The following USH2A variants were observed in gnomAD, a reference collection of about 807,000 sequenced individuals.
USH2A encodes the protein usherin.
Under a neutral mutation model 538.9 loss-of-function variants are expected in USH2A, and 443 were observed. The observed-to-expected ratio is 0.82, with a 90% confidence interval of 0.76 to 0.89. The LOEUF is 0.89. USH2A is among the 40% of genes least tolerant of loss of function. The pLI, the probability that USH2A is intolerant of heterozygous loss-of-function variation, is 0.00. For missense variants in USH2A, 6,633 were observed against 6,324.8 expected (o/e 1.05, Z -1.65); for synonymous variants, 2,413 against 2,273.5 (o/e 1.06, Z -1.75).
At chr1:216,240,462 A>T (rs1223443735) in intron 13 of USH2A, among the ~76,000 whole-genome samples, 1 of 151,594 alleles carries the variant, frequency 6.6e-6, no homozygotes, top group Admixed American at 6.6e-5. Context: ...CATCACTGAT[A>T]GGCAAAAGGG....
chr1:216,032,122 C>A (rs1669142220), intron 32 of USH2A, among the ~76,000 whole-genome samples: 1 of 152,106 alleles, frequency 6.6e-6, no homozygotes, highest in Non-Finnish European at 1.5e-5. Flanking sequence ...AACTTCTAAC[C>A]TCTGAGGTAC....
chr1:216,108,044 A>G (rs769975398), intron 21 of USH2A, among the ~76,000 whole-genome samples: 1 of 151,534 alleles, frequency 6.6e-6, no homozygotes, highest in Admixed American at 6.6e-5. Context: ...AGAGTTTTTA[A>G]TAATATTTTC....
At chr1:215,755,350 A>G (rs1660758601) in intron 58 of USH2A, among the ~76,000 whole-genome samples, 1 of 152,224 alleles carries the variant, frequency 6.6e-6, no homozygotes, top group African/African-American at 2.4e-5. Context: ...GAGTATGATG[A>G]ATACCTAGAA....
At chr1:215,858,441 G>C (rs569762620) in intron 44 of USH2A, among the ~76,000 whole-genome samples, 5 of 150,656 alleles carry the variant, frequency 3.3e-5, no homozygotes, top group Admixed American at 2.0e-4. Context: ...CGCAAGATCT[G>C]ATGGTTTCAT....
At chr1:216,119,986 G>GT (rs959589661) in intron 21 of USH2A, among the ~76,000 whole-genome samples, 94 of 149,912 alleles carry the variant, frequency 6.3e-4, no homozygotes, top group African/African-American at 1.5e-3. Context: ...ATATTCACTT[G>GT]TTTTTTTTTA....
At chr1:216,081,743 T>C (rs2031949558) in intron 26 of USH2A, among the ~76,000 whole-genome samples, 1 of 151,914 alleles carries the variant, frequency 6.6e-6, no homozygotes, top group African/African-American at 2.4e-5. Flanking sequence ...CTACAGTGTC[T>C]GGCTAACTTT....
intron 49 of USH2A, among the ~76,000 whole-genome samples, chr1:215,808,587 C>T (rs994169223): frequency 6.6e-6 from 1 of 152,064 alleles, no homozygotes; most frequent in Non-Finnish European, 1.5e-5. Flanking sequence ...AGTCACATTC[C>T]CTTCCCATCC....
intron 22 of USH2A, among the ~76,000 whole-genome samples, chr1:216,091,496 G>A (rs1215476488): frequency 6.6e-6 from 1 of 152,132 alleles, no homozygotes. Context: ...TTTCTTTATT[G>A]TATCTTTTAA....
At chr1:216,217,587 T>A in intron 14 of USH2A, 37 bp from the exon 15 acceptor site, 1 of 1,608,328 alleles carries the variant, frequency 6.2e-7, no homozygotes, top group Non-Finnish European at 8.5e-7. Context: ...AAGAGAATAG[T>A]GTTTTGATTA....
At chr1:215,914,362 C>G (rs1336042886) in intron 38 of USH2A, among the ~76,000 whole-genome samples, 2 of 151,968 alleles carry the variant, frequency 1.3e-5, no homozygotes, top group Non-Finnish European at 2.9e-5. Flanking sequence ...CTAAAATGGA[C>G]TCTTCTTATA....
Position 216,054,420 on chromosome 1 carries a change from G to A in USH2A, c.6050-5773C>T, listed in dbSNP as rs541156385. ...TGTGGAGCTGACACCAGCTCTGCAA[G>A]CTTTTGCACCTCTAATGGGACACCG... is the stretch of plus-strand genomic sequence containing the variant. On this transcript the variant is annotated intron_variant, in intron 30 of 71. Coordinates refer to ENST00000307340, the MANE Select transcript of USH2A (RefSeq NM_206933.4). Among the ~76,000 whole-genome samples the A allele has an allele frequency of 1.1e-4, 16 of 152,188 alleles. No homozygotes were observed. In the East Asian group the frequency reaches 2.7e-3, roughly 26 times the overall value.
intron 43 of USH2A, among the ~76,000 whole-genome samples, chr1:215,871,400 T>A (rs1223117052): frequency 6.6e-6 from 1 of 152,206 alleles, no homozygotes; most frequent in Non-Finnish European, 1.5e-5. Flanking sequence ...TGAATAGATG[T>A]TTCATAGTTA....
intron 32 of USH2A, among the ~76,000 whole-genome samples, chr1:216,016,465 A>G (rs779539136): frequency 6.6e-6 from 1 of 152,308 alleles, no homozygotes; most frequent in South Asian, 2.1e-4. Flanking sequence ...ATTTGTGCTT[A>G]TGTTTTCCAC....
At chr1:216,164,333 C>A (rs1364293196) in intron 21 of USH2A, among the ~76,000 whole-genome samples, 2 of 151,954 alleles carry the variant, frequency 1.3e-5, no homozygotes, top group African/African-American at 2.4e-5. Flanking sequence ...AAAAATGGCA[C>A]CAATATTATT....
At position 215,743,416 on chromosome 1, in the gene USH2A, G is replaced by GTGTGTGTGTA. The variant is rs1491186893; in HGVS notation, c.11390-82_11390-81insTACACACACA. 1.2e-3 allele frequency: 283 copies of GTGTGTGTGTA among 238,552 alleles called. 14 individuals carry two copies. Among genetic ancestry groups the GTGTGTGTGTA allele is most frequent in the African/African-American group, 8.3e-3 (262 of 31,484 alleles). The allele number at this position is 238,552 out of a possible 1,614,324, so 14.8% of individuals were successfully genotyped here. A position where few individuals can be genotyped will look rare whatever the true frequency, so the allele number is the denominator to read the frequency against. On this transcript the variant is annotated intron_variant, in intron 58 of 71. Transcript: ENST00000307340. ...TGTGTGTGTGTGTGTGTGTGTGTGTGTATATATATATAGACACACATATAT... is the reference window on the plus strand; with the variant it reads ...TGTGTGTGTGTGTGTGTGTGTGTGTGTGTGTGTGTATATATATATATAGACACACATATAT...
chr1:216,252,818 C>T (rs1308255080), intron 11 of USH2A, among the ~76,000 whole-genome samples: 2 of 152,090 alleles, frequency 1.3e-5, no homozygotes, highest in Non-Finnish European at 2.9e-5. Flanking sequence ...TTGATTCAGC[C>T]TACAAAAATA....
In USH2A at chr1:215,838,079, A is replaced by C. The variant is rs751359999; in HGVS notation, c.9283T>G (p.Cys3095Gly). The change falls in exon 47 of 72, where the codon TGC becomes GGC. Residue 3095 changes from cysteine (C) to glycine (G), a missense_variant. Physicochemically the swap from Cys to Gly is radical, Grantham distance 159 (BLOSUM62 -3). Transcript: ENST00000307340. The stretch of plus-strand genomic sequence containing the variant: ...ATTTGGGTTCCATTGCTTTTCACGC[A>C]GGCATATATTGTGCAGACTTCAACC... ...IQVEVCTIYA[C>G]VKSNGTQITT... The C allele has an allele frequency of 2.5e-6, 4 of 1,614,048 alleles. No homozygotes were observed. The South Asian group carries it at 3.3e-5, about 13-fold the overall frequency.
chr1:215,778,051 T>G (rs1661514174), intron 55 of USH2A, among the ~76,000 whole-genome samples: 1 of 140,776 alleles, frequency 7.1e-6, no homozygotes, highest in African/African-American at 2.9e-5. Flanking sequence ...CCCAACCCCA[T>G]TATCTTTTTT....
At chr1:215,796,021 A>C (rs1662122960) in intron 50 of USH2A, among the ~76,000 whole-genome samples, 1 of 125,732 alleles carries the variant, frequency 8.0e-6, no homozygotes, top group African/African-American at 3.1e-5. Flanking sequence ...TTTTCAAATA[A>C]AAAATAGAAG....
Sources: allele counts gnomAD v4.1 joint callset (sites outside exome capture counted in the v4.1 genomes callset), GRCh38; gene constraint gnomAD v4.1.1; transcripts MANE v1.5; gene names NCBI Gene and HGNC (gene_info 2026-07-23, HGNC 2026-07-21).